TRAPPC9: variants seen among roughly 807,000 people sequenced by gnomAD.
TRAPPC9 encodes IKK2 binding protein.
A neutral mutation model predicts 124.0 loss-of-function variants in TRAPPC9; 83 were observed. The observed-to-expected ratio is 0.67, with a 90% CI of 0.56 to 0.80. The LOEUF is 0.80. Among genes scored for constraint, TRAPPC9 ranks in the 30% least tolerant of loss-of-function variants. The pLI is 0.00. For missense variants in TRAPPC9, 1,302 were observed against 1,508.3 expected (o/e 0.86, Z 2.27); for synonymous variants, 638 against 617.5 (o/e 1.03, Z -0.49).
intron 18 of TRAPPC9, among the ~76,000 whole-genome samples, chr8:140,001,728 AGT>A (rs1235915872): frequency 6.6e-6 from 1 of 152,074 alleles, no homozygotes; most frequent in Non-Finnish European, 1.5e-5. Flanking sequence ...GTTTCTTGAA[AGT>A]CACAAACTAC....
chr8:139,843,491 G>T (rs1022545562), intron 21 of TRAPPC9, among the ~76,000 whole-genome samples: 1 of 152,218 alleles, frequency 6.6e-6, no homozygotes, highest in Non-Finnish European at 1.5e-5. Flanking sequence ...CCTGACCCAC[G>T]GAACCGGTGG....
chr8:140,264,558 G>A (rs1474172282), intron 15 of TRAPPC9, among the ~76,000 whole-genome samples: 3 of 116,212 alleles, frequency 2.6e-5, no homozygotes, highest in Non-Finnish European at 5.0e-5. Flanking sequence ...AATCATCCTA[G>A]AAAAAAAACG....
chr8:140,044,091 G>A (rs75637735), intron 17 of TRAPPC9, among the ~76,000 whole-genome samples: 3,907 of 152,160 alleles, frequency 0.026, 141 homozygotes, highest in African/African-American at 0.086. Context: ...CTTGGTAGTC[G>A]CCCTGAAGAC....
intron 16 of TRAPPC9, among the ~76,000 whole-genome samples, chr8:140,226,195 C>G (rs1399211015): frequency 6.6e-6 from 1 of 152,096 alleles, no homozygotes; most frequent in Non-Finnish European, 1.5e-5. Flanking sequence ...AGAGAACAAA[C>G]AGAAGGTACG....
chr8:139,787,645 T>C (rs1263927352), intron 21 of TRAPPC9, among the ~76,000 whole-genome samples: 1 of 152,232 alleles, frequency 6.6e-6, no homozygotes, highest in Non-Finnish European at 1.5e-5. Context: ...ATTAGGTTAA[T>C]AGTTAAAAAC....
At chr8:139,920,979 T>C (rs1379929774) in intron 19 of TRAPPC9, among the ~76,000 whole-genome samples, 1 of 152,222 alleles carries the variant, frequency 6.6e-6, no homozygotes, top group Non-Finnish European at 1.5e-5. Context: ...CAGATGTGGC[T>C]GCATCCCACA....
At chr8:140,028,555 C>T (rs1840297789) in intron 17 of TRAPPC9, among the ~76,000 whole-genome samples, 1 of 152,218 alleles carries the variant, frequency 6.6e-6, no homozygotes, top group Non-Finnish European at 1.5e-5. Flanking sequence ...GAATGCAGAG[C>T]AACATGCCTG....
intron 9 of TRAPPC9, among the ~76,000 whole-genome samples, chr8:140,322,933 AC>A (rs1332011957): frequency 6.6e-6 from 1 of 152,154 alleles, no homozygotes; most frequent in African/African-American, 2.4e-5. Context: ...CTGGCATACA[AC>A]TCCTTAAATT....
rs184391832 is a variant in TRAPPC9 at position 140,379,919 on chromosome 8, G to A, written c.1135-8739C>T. On this transcript the variant is annotated intron_variant, in intron 7 of 22. Transcript: ENST00000438773. ...TAAGTTTTGCCTGCCAACTAAATTT[G>A]TCTCCTTCCTGGAAAAAAGGAAGAT... is the stretch of plus-strand genomic sequence containing the variant. 3.8e-3 allele frequency among the ~76,000 whole-genome samples: 585 copies of A among 152,256 alleles called. 6 individuals are homozygous for A. The highest frequency in any genetic ancestry group is 0.013 in the African/African-American group (560 of 41,550).
intron 6 of TRAPPC9, among the ~76,000 whole-genome samples, chr8:140,399,091 G>A (rs929557264): frequency 2.1e-4 from 32 of 152,362 alleles, no homozygotes; most frequent in Admixed American, 1.8e-3. Flanking sequence ...GTGTGTGGGT[G>A]CACCGAAGTC....
chr8:140,144,834 C>T (rs1421227856), intron 17 of TRAPPC9, among the ~76,000 whole-genome samples: 2 of 151,674 alleles, frequency 1.3e-5, no homozygotes. Flanking sequence ...ATGAATGTTA[C>T]TAATTTATGT....
At chr8:140,333,414 C>A (rs550057065) in intron 9 of TRAPPC9, among the ~76,000 whole-genome samples, 1 of 152,122 alleles carries the variant, frequency 6.6e-6, no homozygotes, top group Non-Finnish European at 1.5e-5. Flanking sequence ...GTTGTTGAGA[C>A]GGAGTCTCAC....
chr8:140,152,916 A>G (rs531823812), intron 17 of TRAPPC9, among the ~76,000 whole-genome samples: 11 of 152,250 alleles, frequency 7.2e-5, no homozygotes, highest in African/African-American at 2.6e-4. Context: ...CACAATGTTG[A>G]ATCTAAGTGG....
At chr8:140,139,881 G>A (rs1411675814) in intron 17 of TRAPPC9, among the ~76,000 whole-genome samples, 1 of 152,088 alleles carries the variant, frequency 6.6e-6, no homozygotes, top group Non-Finnish European at 1.5e-5. Flanking sequence ...AGGGTAGTCA[G>A]TATTTCGTTA....
At chr8:140,181,719 G>A (rs562831236) in intron 17 of TRAPPC9, among the ~76,000 whole-genome samples, 1 of 152,148 alleles carries the variant, frequency 6.6e-6, no homozygotes, top group Non-Finnish European at 1.5e-5. Context: ...TTCTTTAAAA[G>A]TGTCTTTCCT....
Position 140,104,478 on chromosome 8 carries a change from T to A in TRAPPC9, c.2557-80399A>T, listed in dbSNP as rs1563764550. On this transcript the variant is annotated intron_variant, in intron 17 of 22. Transcript: ENST00000438773. This position sits in a 1 kb window ranked among gnomAD's most constrained non-coding sequence, Gnocchi z 4.0. ...TGGATATCTAAGTGGGCACTCATGA[T>A]CTTAGACAAATAATATGCAAGTAGT... Among the ~76,000 whole-genome samples the A allele has an allele frequency of 6.6e-6, 1 of 152,244 alleles. No individual in the cohort carries two copies. Among genetic ancestry groups the A allele is most frequent in the East Asian group, 1.9e-4 (1 of 5,176 alleles).
chr8:139,738,551 G>A (rs1406291574), intron 21 of TRAPPC9, among the ~76,000 whole-genome samples: 2 of 152,220 alleles, frequency 1.3e-5, no homozygotes, highest in Non-Finnish European at 2.9e-5. Flanking sequence ...TGAAGACGGG[G>A]GAAGGCGCAC....
chr8:139,880,393 G>A (rs892421276), intron 21 of TRAPPC9, among the ~76,000 whole-genome samples: 4 of 152,164 alleles, frequency 2.6e-5, no homozygotes, highest in African/African-American at 9.7e-5. Flanking sequence ...GCATTGGGGA[G>A]GGGGCTGGAG....
intron 5 of TRAPPC9, among the ~76,000 whole-genome samples, chr8:140,416,858 T>C (rs1446001820): frequency 6.6e-6 from 1 of 152,168 alleles, no homozygotes; most frequent in African/African-American, 2.4e-5. Flanking sequence ...ATGGTACTGG[T>C]ACCAAAACAG....
Sources: gnomAD v4.1 joint callset for allele counts (sites outside exome capture counted in the v4.1 genomes callset) on GRCh38, gnomAD v4.1.1 for gene constraint, Gnocchi (gnomAD v3.1) non-coding constraint, MANE v1.5 for transcripts, NCBI Gene and HGNC (gene_info 2026-07-23, HGNC 2026-07-21) for gene names.